MEIS2: variants seen among roughly 807,000 people sequenced by gnomAD.
MEIS2 encodes Meis homeobox 2.
Under a neutral mutation model 58.6 loss-of-function variants are expected in MEIS2, and 9 were observed. The ratio of observed to expected loss-of-function variants is 0.15; its 90% CI spans 0.09 to 0.27. The LOEUF is 0.27. MEIS2 is among the 10% of genes least tolerant of loss of function. The probability of loss-of-function intolerance (pLI) is 1.00; values close to 1 mark genes in which losing one functional copy is unlikely to be tolerated. For synonymous variants in MEIS2, 221 were observed against 228.4 expected (o/e 0.97, Z 0.29); for missense variants, 427 against 635.0 (o/e 0.67, Z 3.52).
chr15:36,911,182 T>A (rs1256366369), intron 9 of MEIS2, among the ~76,000 whole-genome samples: 7 of 152,112 alleles, frequency 4.6e-5, no homozygotes, highest in African/African-American at 9.6e-5. Context: ...GAAATATTTT[T>A]AAAAAAAAGA....
At chr15:37,089,251 G>A (rs1256735624) in intron 6 of MEIS2, among the ~76,000 whole-genome samples, 1 of 151,966 alleles carries the variant, frequency 6.6e-6, no homozygotes, top group Non-Finnish European at 1.5e-5. Context: ...ATAAAATAAA[G>A]CATTCATATT....
chr15:37,023,469 T>A (rs543994466), intron 8 of MEIS2, among the ~76,000 whole-genome samples: 1 of 152,230 alleles, frequency 6.6e-6, no homozygotes, highest in Non-Finnish European at 1.5e-5. Context: ...TTGACTTTTC[T>A]TAGTTGTTTT....
intron 8 of MEIS2, among the ~76,000 whole-genome samples, chr15:36,997,636 C>G (rs749546741): frequency 2.7e-5 from 4 of 150,118 alleles, no homozygotes; most frequent in African/African-American, 9.7e-5. Context: ...CCTGCCACCA[C>G]GCCTGGCTAA....
chr15:37,030,559 ACTC>A (rs1466532420), intron 8 of MEIS2, among the ~76,000 whole-genome samples: 5 of 149,718 alleles, frequency 3.3e-5, no homozygotes, highest in Non-Finnish European at 5.9e-5. Context: ...CTGGTCTTGA[ACTC>A]CTGGCCTCAA....
intron 8 of MEIS2, among the ~76,000 whole-genome samples, chr15:36,964,435 A>G (rs927028160): frequency 6.6e-6 from 1 of 152,226 alleles, no homozygotes; most frequent in East Asian, 1.9e-4. Flanking sequence ...CTTTACCGGT[A>G]ATTCTCAAAT....
At chr15:36,954,430 C>A (rs538056346) in intron 8 of MEIS2, among the ~76,000 whole-genome samples, 2 of 147,720 alleles carry the variant, frequency 1.4e-5, no homozygotes, top group East Asian at 2.0e-4. Context: ...AATATAATAT[C>A]AATTTTAAAA....
chr15:36,974,712 G>A (rs1307382724), intron 8 of MEIS2, among the ~76,000 whole-genome samples: 3 of 152,152 alleles, frequency 2.0e-5, no homozygotes, highest in Non-Finnish European at 4.4e-5. Flanking sequence ...CAGCCAGCAT[G>A]AGGAACCAGG....
intron 7 of MEIS2, among the ~76,000 whole-genome samples, chr15:37,077,415 A>G (rs550089740): frequency 6.6e-6 from 1 of 152,202 alleles, no homozygotes; most frequent in South Asian, 2.1e-4. Flanking sequence ...ACAGTTTTTC[A>G]TGCTTTGATT....
intron 9 of MEIS2, among the ~76,000 whole-genome samples, chr15:36,916,957 C>T (rs990501757): frequency 6.6e-6 from 1 of 152,124 alleles, no homozygotes; most frequent in Admixed American, 6.5e-5. Flanking sequence ...CTAAATTCAC[C>T]AGTTAGTAAG....
chr15:37,041,421 C>CTCTGAAGCAT (rs2062418647), intron 7 of MEIS2, among the ~76,000 whole-genome samples: 1 of 152,168 alleles, frequency 6.6e-6, no homozygotes, highest in South Asian at 2.1e-4. Context: ...TGTCTTAAGA[C>CTCTGAAGCAT]TCTGAAGCAT....
intron 8 of MEIS2, among the ~76,000 whole-genome samples, chr15:36,990,726 T>C (rs1009057494): frequency 1.9e-4 from 29 of 152,070 alleles, no homozygotes; most frequent in Non-Finnish European, 3.5e-4. Context: ...CTTAAGTATA[T>C]TGTAGATTTT....
chr15:36,912,831 GA>G (rs76421752), intron 9 of MEIS2, among the ~76,000 whole-genome samples: 9,160 of 100,876 alleles, frequency 0.091, 407 homozygotes, highest in African/African-American at 0.18. Context: ...CCCCACTCCT[GA>G]AAAAAAAAAA....
chr15:37,029,476 T>C (rs1454647416), intron 8 of MEIS2, among the ~76,000 whole-genome samples: 1 of 152,152 alleles, frequency 6.6e-6, no homozygotes, highest in Non-Finnish European at 1.5e-5. Flanking sequence ...CAATTAACCA[T>C]TCAAGATCCT....
chr15:37,098,465 C>T (rs1392931340), intron 1 of MEIS2: 2 of 1,062,514 alleles, frequency 1.9e-6, no homozygotes, highest in Non-Finnish European at 2.4e-6. Flanking sequence ...AGAAAAGTAC[C>T]GAGCACAAGT....
chr15:36,907,219 C>A (rs1227271559), intron 9 of MEIS2, among the ~76,000 whole-genome samples: 1 of 152,204 alleles, frequency 6.6e-6, no homozygotes, highest in Non-Finnish European at 1.5e-5. Flanking sequence ...CAAAGTGTTA[C>A]ATTTAAAAGG....
chr15:37,054,005 G>A (rs147477541), intron 7 of MEIS2, among the ~76,000 whole-genome samples: 1 of 152,150 alleles, frequency 6.6e-6, no homozygotes, highest in East Asian at 1.9e-4. Flanking sequence ...CAGATAAAGC[G>A]AGTGAGGTCA....
chr15:36,933,878 C>A (rs1043201757), intron 9 of MEIS2, among the ~76,000 whole-genome samples: 1 of 152,076 alleles, frequency 6.6e-6, no homozygotes, highest in Non-Finnish European at 1.5e-5. Flanking sequence ...CTAATTGGTG[C>A]GATACAAGTG....
At chr15:36,934,237 A>G (rs2058082968) in intron 9 of MEIS2, among the ~76,000 whole-genome samples, 1 of 152,120 alleles carries the variant, frequency 6.6e-6, no homozygotes. Flanking sequence ...CATATTGAAA[A>G]GGAGAGGAGA....
At position 36,895,237 on chromosome 15, in the gene MEIS2, C is replaced by T. The variant is rs1172909836; in HGVS notation, c.1061G>A (p.Ser354Asn). Residue 354 changes from serine to asparagine, a missense_variant, in exon 11 of 12, where the codon AGC (serine) becomes AAC (asparagine). By Grantham distance (46) the Ser-to-Asn change is conservative. Around this residue, in one of 6 missense-constraint regions of MEIS2, gnomAD observed 19 missense variants for 37.3 expected, o/e 0.51. Transcript: ENST00000561208. ...CTCTGGACTATATGCTGCTCCTTGG[C>T]TCACTGAAGGATCAAGAAGAAAACC... ...RAGFLLDPSV[S>N]QGAAYSPEGQ... The T allele has an allele frequency of 6.2e-7, 1 of 1,614,128 alleles. No individual in the cohort carries two copies. The highest frequency in any genetic ancestry group is 8.5e-7 in the Non-Finnish European group (1 of 1,180,026).
Sources: allele counts gnomAD v4.1 joint callset (sites outside exome capture counted in the v4.1 genomes callset), GRCh38; gene constraint gnomAD v4.1.1; regional missense constraint gnomAD v4.1.1; transcripts MANE v1.5; gene names NCBI Gene and HGNC (gene_info 2026-07-23, HGNC 2026-07-21).